Variants in MUC17 observed in about 807,000 individuals in gnomAD.
MUC17 encodes mucin-17.
In MUC17, 190 loss-of-function variants were observed where a neutral mutation model predicts 170.3. The observed-to-expected ratio is 1.12, with a 90% CI of 0.99 to 1.26. The LOEUF is 1.26. Among genes scored for constraint, MUC17 ranks in the 50% most tolerant of loss-of-function variants. MUC17 has a pLI of 0.00. For synonymous variants in MUC17, 2,325 were observed against 2,002.5 expected (o/e 1.16, Z -4.30); for missense variants, 6,415 against 5,530.0 (o/e 1.16, Z -5.08).
chr7:101,029,038 T>G (rs971442721), intron 1 of MUC17, among the ~76,000 whole-genome samples: 2 of 151,524 alleles, frequency 1.3e-5, no homozygotes, highest in African/African-American at 4.9e-5. Context: ...AAATACAAGA[T>G]TAGTTGGGGT....
Position 101,041,493 on chromosome 7 carries a change from C to G in MUC17, c.10077C>G (p.Thr3359=), listed in dbSNP as rs748083307. The G allele has an allele frequency of 6.2e-7, 1 of 1,613,704 alleles. No homozygotes were observed. Among genetic ancestry groups the G allele is most frequent in the African/African-American group, 1.3e-5 (1 of 74,818 alleles). ...TTPVVSSEAS[T]LSTTPVDTST... is the part of the protein sequence containing the mutation. ...CAGTGGTCAGTTCTGAGGCTAGCAC[C>G]CTTTCCACAACTCCTGTTGACACCA... The change falls in exon 3 of 13, where the codon ACC becomes ACG. Residue 3359 remains threonine, a synonymous_variant. Coordinates refer to ENST00000306151, the MANE Select transcript of MUC17 (RefSeq NM_001040105.2).
chr7:101,040,212 T>C lies in MUC17; in HGVS notation c.8796T>C (p.Ser2932=). 1 of 1,612,320 alleles carries C rather than the reference T, an allele frequency of 6.2e-7. No homozygotes were observed. The highest frequency in any genetic ancestry group is 8.5e-7 in the Non-Finnish European group (1 of 1,179,448). The change falls in exon 3 of 13, where the codon AGT becomes AGC. Residue 2932 remains serine (S), a synonymous_variant. Coordinates refer to ENST00000306151, the MANE Select transcript of MUC17 (RefSeq NM_001040105.2). The stretch of plus-strand genomic sequence containing the variant: ...GTGAAGTAAGTACTCCATTAACAAG[T>C]ATACTTGTCAGCACCGTGCCAGTGG... ...TPSEVSTPLT[S]ILVSTVPVAG...
chr7:101,043,219 C>T lies in MUC17; in HGVS notation c.11803C>T (p.Pro3935Ser). 6.2e-7 allele frequency: 1 copy of T among 1,614,188 alleles called. No homozygotes were observed. Among genetic ancestry groups the T allele is most frequent in the African/African-American group, 1.3e-5 (1 of 75,036 alleles). ...ATCAGTGATCACAGAAGGAAGCACA[C>T]CTGGGACAACCATTTTTATTCCCAG... is the stretch of plus-strand genomic sequence containing the variant. ...SVSVITEGST[P>S]GTTIFIPSTP... The change falls in exon 3 of 13, where the codon CCT becomes TCT. Residue 3935 changes from proline (P) to serine (S), a missense_variant. By Grantham distance (74) the Pro-to-Ser change is moderately conservative. Coordinates refer to ENST00000306151, the MANE Select transcript of MUC17 (RefSeq NM_001040105.2).
intron 7 of MUC17, 117 bp from the exon 8 acceptor site, chr7:101,051,496 G>A (rs1794942879): frequency 6.4e-6 from 6 of 937,622 alleles, no homozygotes; most frequent in African/African-American, 1.7e-5. Flanking sequence ...TGCCGGGGCC[G>A]GATTCCCACC....
chr7:101,051,251 G>C (rs1050866680), intron 7 of MUC17, among the ~76,000 whole-genome samples: 1 of 151,068 alleles, frequency 6.6e-6, no homozygotes, highest in African/African-American at 2.4e-5. Context: ...TGTAGTTCTA[G>C]CTACTTGGGA....
At position 101,034,053 on chromosome 7, in the gene MUC17, T is replaced by C. The variant is rs755312826; in HGVS notation, c.2637T>C (p.Thr879=). ...CTGTCAGCACCACACTGGTGGCCAC[T>C]TCTGCAATCAGCACCCTTTCAACAA... is the stretch of plus-strand genomic sequence containing the variant. ...SMPVSTTLVA[T]SAISTLSTTP... is the part of the protein sequence containing the mutation. Residue 879 remains threonine, a synonymous_variant, in exon 3 of 13, where the codon ACT becomes ACC. Transcript: ENST00000306151. 1 of 1,601,768 alleles carries C rather than the reference T, an allele frequency of 6.2e-7. No individual in the cohort carries two copies. The highest frequency in any genetic ancestry group is 2.3e-5 in the East Asian group (1 of 44,190).
Position 101,042,841 on chromosome 7 carries a change from A to G in MUC17, c.11425A>G (p.Thr3809Ala), listed in dbSNP as rs1181928018. The change falls in exon 3 of 13, where the codon ACG (threonine) becomes GCG (alanine). Residue 3809 changes from threonine (T) to alanine (A), a missense_variant. Physicochemically the swap from Thr to Ala is moderately conservative, Grantham distance 58 (BLOSUM62 0). Transcript: ENST00000306151. ...EGTTTMPMST[T>A]SERSTLLTTV... ...CACCACCACCATGCCTATGTCAACT[A>G]CGAGTGAAAGAAGCACTTTATTGAC... The G allele has an allele frequency of 3.1e-6, 5 of 1,614,186 alleles. No individual in the cohort carries two copies. Among genetic ancestry groups the G allele is most frequent in the Non-Finnish European group, 3.4e-6 (4 of 1,180,030 alleles).
Position 101,036,809 on chromosome 7 carries a change from TA to T in MUC17, c.5394del (p.Pro1799GlnfsTer9). The T allele has an allele frequency of 6.2e-7, 1 of 1,605,608 alleles. No homozygotes were observed. Among genetic ancestry groups the T allele is most frequent in the Non-Finnish European group, 8.5e-7 (1 of 1,175,668 alleles). On this transcript the variant is annotated frameshift_variant, in exon 3 of 13. Transcript: ENST00000306151. LOFTEE classifies it high-confidence loss of function. ...CCTACAACTGCTGAAGGTACCAGCA[TA>T]CCAACCTCGACTCTTAGTGAAGGAA... is the stretch of plus-strand genomic sequence containing the variant. ...SSPTTAEGTS[I>X]PTSTLSEGMT...
Position 101,034,877 on chromosome 7 carries a change from C to A in MUC17, c.3461C>A (p.Pro1154His). 1 of 1,613,340 alleles carries A rather than the reference C, an allele frequency of 6.2e-7. No homozygotes were observed. Among genetic ancestry groups the A allele is most frequent in the Non-Finnish European group, 8.5e-7 (1 of 1,179,912 alleles). Reference protein sequence around the residue: ...TAEGTSIPTSPPSEGTTPLAS... With the variant: ...TAEGTSIPTSHPSEGTTPLAS... ...GAAGGTACCAGCATACCAACCTCAC[C>A]TCCCAGTGAAGGAACCACTCCGTTA... is the stretch of plus-strand genomic sequence containing the variant. The change falls in exon 3 of 13, where the codon CCT becomes CAT. Residue 1154 changes from proline (P) to histidine (H), a missense_variant. Physicochemically the swap from Pro to His is moderately conservative, Grantham distance 77. Transcript: ENST00000306151.
Position 101,036,259 on chromosome 7 carries a change from AC to A in MUC17, c.4845del (p.Ala1616LeufsTer6). On this transcript the variant is annotated frameshift_variant, in exon 3 of 13. Coordinates refer to ENST00000306151, the MANE Select transcript of MUC17 (RefSeq NM_001040105.2). LOFTEE classifies it high-confidence loss of function. ...TTCTACTGAAGCCAGTTCATCTACAACCGCTGAAGGTAGCAGCATGACAATC... is the reference window on the plus strand; with the variant it reads ...TTCTACTGAAGCCAGTTCATCTACAACGCTGAAGGTAGCAGCATGACAATC... ...TASTEASSST[T>X]AEGSSMTIST... 6.2e-7 allele frequency: 1 copy of A among 1,613,560 alleles called. No individual in the cohort carries two copies. The highest frequency in any genetic ancestry group is 1.1e-5 in the South Asian group (1 of 91,042).
intron 1 of MUC17, among the ~76,000 whole-genome samples, chr7:101,023,480 A>G (rs548528539): frequency 1.3e-5 from 2 of 152,260 alleles, no homozygotes; most frequent in East Asian, 3.9e-4. Flanking sequence ...TCTGCCTCCC[A>G]GGTTCAAGTG....
At position 101,041,957 on chromosome 7, in the gene MUC17, A is replaced by T; in HGVS notation, c.10541A>T (p.Glu3514Val). Residue 3514 changes from glutamate (E) to valine (V), a missense_variant, in exon 3 of 13, where the codon GAA becomes GTA. By Grantham distance (121) the Glu-to-Val change is moderately radical. Transcript: ENST00000306151. ...AGCATGCCAACATCAACTGCTGGTG[A>T]AGGAAGCACTCCATTAACAAATATG... Reference protein sequence around the residue: ...VTSMPTSTAGEGSTPLTNMPV... With the variant: ...VTSMPTSTAGVGSTPLTNMPV... The T allele has an allele frequency of 3.7e-6, 6 of 1,613,266 alleles. No homozygotes were observed. Among genetic ancestry groups the T allele is most frequent in the Non-Finnish European group, 5.1e-6 (6 of 1,179,798 alleles).
chr7:101,032,305 A>G lies in MUC17; in HGVS notation c.889A>G (p.Thr297Ala). 6.2e-7 allele frequency: 1 copy of G among 1,614,016 alleles called. No individual in the cohort carries two copies. Among genetic ancestry groups the G allele is most frequent in the South Asian group, 1.1e-5 (1 of 91,064 alleles). ...CAGTTCTGAGGCTAGCACCCTTTCA[A>G]CAACTCCTGCTGCCACCAACATTCC... ...VVSSEASTLS[T>A]TPAATNIPVI... Residue 297 changes from threonine to alanine, a missense_variant, in exon 3 of 13, where the codon ACA (threonine) becomes GCA (alanine). Transcript: ENST00000306151.
chr7:101,052,113 T>G (rs1402038022), intron 9 of MUC17, 151 bp downstream of exon 9: 1 of 967,192 alleles, frequency 1.0e-6, no homozygotes, highest in Admixed American at 2.7e-5. Flanking sequence ...AGGAATTGGG[T>G]TGGGGATAAG....
chr7:101,045,946 T>C (rs1328601541), intron 3 of MUC17, among the ~76,000 whole-genome samples: 2 of 152,202 alleles, frequency 1.3e-5, no homozygotes, highest in Admixed American at 6.5e-5. Flanking sequence ...TCCCCAGAGA[T>C]TGGCCTTCCC....
chr7:101,049,259 C>T (rs1794894023), intron 5 of MUC17, 65 bp from the exon 6 acceptor site: 7 of 1,609,078 alleles, frequency 4.4e-6, no homozygotes, highest in Non-Finnish European at 6.0e-6. Flanking sequence ...CCTGTGACCT[C>T]CTGATGTCCC....
In MUC17 at chr7:101,038,333, C is replaced by G. The variant is rs1562812823; in HGVS notation, c.6917C>G (p.Ser2306Cys). Residue 2306 changes from serine (S) to cysteine (C), a missense_variant, in exon 3 of 13, where the codon TCC becomes TGC. By Grantham distance (112) the Ser-to-Cys change is moderately radical. Coordinates refer to ENST00000306151, the MANE Select transcript of MUC17 (RefSeq NM_001040105.2). ...VSTLSTTPVD[S>C]NTPFTTSTEA... ...ACCCTTTCAACAACTCCTGTTGACT[C>G]CAACACTCCTTTCACTACTTCTACT... The G allele has an allele frequency of 3.1e-6, 5 of 1,613,738 alleles. No individual in the cohort carries two copies. Among genetic ancestry groups the G allele is most frequent in the Non-Finnish European group, 4.2e-6 (5 of 1,179,820 alleles).
At position 101,032,037 on chromosome 7, in the gene MUC17, C is replaced by G; in HGVS notation, c.621C>G (p.Pro207=). The change falls in exon 3 of 13, where the codon CCC becomes CCG. Residue 207 remains proline, a synonymous_variant. Coordinates refer to ENST00000306151, the MANE Select transcript of MUC17 (RefSeq NM_001040105.2). ...SPTTPESTTI[P]KSTNSEGSTP... ...CTACTCCTGAAAGCACCACCATACC[C>G]AAATCAACTAACAGTGAAGGAAGCA... The G allele has an allele frequency of 6.2e-7, 1 of 1,614,216 alleles. No homozygotes were observed. Among genetic ancestry groups the G allele is most frequent in the Non-Finnish European group, 8.5e-7 (1 of 1,180,042 alleles).
chr7:101,051,584 G>A (rs546830322), intron 7 of MUC17, 29 bp from the exon 8 acceptor site: 13 of 1,611,208 alleles, frequency 8.1e-6, no homozygotes, highest in Middle Eastern at 1.7e-4. Flanking sequence ...TGTATGTGTC[G>A]TGAGGGGTTT....
Sources: gnomAD v4.1 joint callset for allele counts (sites outside exome capture counted in the v4.1 genomes callset) on GRCh38, gnomAD v4.1.1 for gene constraint, MANE v1.5 for transcripts, NCBI Gene and HGNC (gene_info 2026-07-23, HGNC 2026-07-21) for gene names.